The following SNRPN variants were observed in gnomAD, a reference collection of about 807,000 sequenced individuals.
SNRPN encodes the protein small nuclear ribonucleoprotein polypeptide N, also known as small nuclear ribonucleoprotein-associated protein N.
Under a neutral mutation model 25.2 loss-of-function variants are expected in SNRPN, and 7 were observed. The observed-to-expected ratio is 0.28, with a 90% CI of 0.16 to 0.52. SNRPN has a LOEUF of 0.52. SNRPN is among the 20% of genes least tolerant of loss of function. SNRPN has a pLI of 0.96. For missense variants in SNRPN, 196 were observed against 322.5 expected (o/e 0.61, Z 3.00); for synonymous variants, 124 against 110.6 (o/e 1.12, Z -0.76).
chr15:24,887,018 G>C, intron 2 of SNRPN, among the ~76,000 whole-genome samples: 1 of 152,116 alleles, frequency 6.6e-6, no homozygotes, highest in Admixed American at 6.5e-5. Flanking sequence ...AAGTATCATT[G>C]TCATCTCAAA....
chr15:24,954,929 G>A (rs1314993176), upstream of SNRPN: 8 of 1,442,316 alleles, frequency 5.5e-6, no homozygotes, highest in Non-Finnish European at 3.8e-6. Context: ...AGGCAGGCTG[G>A]CGCGCATGCT....
intron 1 of SNRPN, among the ~76,000 whole-genome samples, chr15:24,876,442 C>T (rs1264401045): frequency 6.6e-6 from 1 of 152,094 alleles, no homozygotes; most frequent in East Asian, 1.9e-4. Context: ...CATGGTGAAA[C>T]GTCTTCTCTG....
At chr15:24,881,920 C>T (rs956182) in intron 1 of SNRPN, among the ~76,000 whole-genome samples, 20,184 of 152,038 alleles carry the variant, frequency 0.13, 1,606 homozygotes, top group East Asian at 0.25. Context: ...GGCAAAAGAG[C>T]GCTAGAGGCG....
chr15:24,928,109 G>T (rs78793837), intron 3 of SNRPN, among the ~76,000 whole-genome samples: 1 of 152,238 alleles, frequency 6.6e-6, no homozygotes, highest in Non-Finnish European at 1.5e-5. Flanking sequence ...AGATGACAGG[G>T]AACTCTCCTA....
At chr15:24,884,578 T>C (rs2057021231) in intron 1 of SNRPN, among the ~76,000 whole-genome samples, 1 of 152,138 alleles carries the variant, frequency 6.6e-6, no homozygotes, top group African/African-American at 2.4e-5. Context: ...AGCATGATCT[T>C]CTGAAGCCTC....
At chr15:24,932,951 G>C (rs957020683) in intron 3 of SNRPN, among the ~76,000 whole-genome samples, 7 of 152,012 alleles carry the variant, frequency 4.6e-5, no homozygotes, top group African/African-American at 1.7e-4. Flanking sequence ...GCCTGGCCAA[G>C]TCTGTAATCT....
At chr15:24,884,609 C>G (rs1422515810) in intron 1 of SNRPN, among the ~76,000 whole-genome samples, 22 of 142,242 alleles carry the variant, frequency 1.5e-4, no homozygotes, top group Admixed American at 1.4e-3. Context: ...GTGTGGATAG[C>G]TTTCTTTTGG....
intron 1 of SNRPN, among the ~76,000 whole-genome samples, chr15:24,961,911 A>G (rs147255039): frequency 6.6e-6 from 1 of 152,274 alleles, no homozygotes; most frequent in African/African-American, 2.4e-5. Context: ...TTCTGATGTC[A>G]TGGGCTTCTA....
intron 1 of SNRPN, among the ~76,000 whole-genome samples, chr15:24,961,205 T>C (rs1240218403): frequency 6.6e-6 from 1 of 152,200 alleles, no homozygotes; most frequent in East Asian, 1.9e-4. Context: ...AAATCAAATA[T>C]GTGTGTATGG....
intron 2 of SNRPN, chr15:24,886,724 A>G (rs1051675593): frequency 1.1e-4 from 16 of 152,172 alleles, no homozygotes; most frequent in African/African-American, 3.6e-4. Flanking sequence ...CATAGCACAC[A>G]TTAGCTGTGA....
chr15:24,957,085 CT>C (rs535210778), intron 1 of SNRPN, among the ~76,000 whole-genome samples: 14 of 152,004 alleles, frequency 9.2e-5, no homozygotes, highest in Non-Finnish European at 1.5e-4. Context: ...TTGTTAACCC[CT>C]TTTTTTTAAC....
chr15:24,961,979 G>A, intron 1 of SNRPN, 135 bp from the exon 2 acceptor site: 2 of 829,960 alleles, frequency 2.4e-6, no homozygotes, highest in Non-Finnish European at 4.0e-6. Context: ...TAAAGATCTT[G>A]TAATAATTTT....
rs1169193037 is a variant in SNRPN, at chr15:24,824,416, A to T, written c.-687+566A>T. Among the ~76,000 whole-genome samples, 7 of 151,966 alleles carry T rather than the reference A, an allele frequency of 4.6e-5. No homozygotes were observed. In the East Asian group the frequency reaches 1.3e-3, roughly 29 times the overall value. Reference sequence around the variant, plus strand: ...TTGGCTTGCATATTTGAGTATTTTCACTTTGGTTTTGTAAATGGCTGCTTG... The same window carrying T: ...TTGGCTTGCATATTTGAGTATTTTCTCTTTGGTTTTGTAAATGGCTGCTTG... On this transcript the variant is annotated intron_variant, in intron 1 of 12. Coordinates refer to the SNRPN transcript ENST00000400100.
intron 2 of SNRPN, among the ~76,000 whole-genome samples, chr15:24,894,133 G>GC (rs1317607968): frequency 1.3e-5 from 2 of 152,066 alleles, no homozygotes; most frequent in Non-Finnish European, 2.9e-5. Context: ...TATTCCCACA[G>GC]CCCCCCAACC....
intron 2 of SNRPN, among the ~76,000 whole-genome samples, chr15:24,964,094 A>AT (rs141844738): frequency 0.14 from 20,385 of 150,058 alleles, 2,452 homozygotes; most frequent in African/African-American, 0.33. Context: ...GAGGGTAAAG[A>AT]TTTTTTTTTT....
upstream of SNRPN, among the ~76,000 whole-genome samples, chr15:24,951,813 C>G (rs220027): frequency 0.51 from 77,410 of 152,022 alleles, 21,705 homozygotes; most frequent in African/African-American, 0.75. Flanking sequence ...CAGCCAAGTA[C>G]TAACACTTCT....
At chr15:24,920,326 TAC>T (rs939566349) in intron 3 of SNRPN, 1 of 152,218 alleles carries the variant, frequency 6.6e-6, no homozygotes, top group Non-Finnish European at 1.5e-5. Context: ...ATTTTTTGGA[TAC>T]AGTGTTTGCT....
chr15:24,888,577 T>A (rs1300159113), intron 2 of SNRPN, among the ~76,000 whole-genome samples: 1 of 152,234 alleles, frequency 6.6e-6, no homozygotes, highest in Non-Finnish European at 1.5e-5. Context: ...TTGTCACATC[T>A]TAACAAAATA....
rs1043099236 is a variant in SNRPN, at chr15:24,978,335, G to A, written c.685+17G>A. The A allele has an allele frequency of 8.7e-6, 14 of 1,613,928 alleles. No homozygotes were observed. The highest frequency in any genetic ancestry group is 3.3e-5 in the Admixed American group (2 of 59,996). On this transcript the variant is annotated intron_variant, in intron 9 of 9. Transcript: ENST00000390687. ...GCATTAGAGGTGAGTGGGAGCATAG[G>A]GGTTTGATGGTTCAGCCAGGCCCCT...
Sources: allele counts gnomAD v4.1 joint callset (sites outside exome capture counted in the v4.1 genomes callset), GRCh38; gene constraint gnomAD v4.1.1; transcripts MANE v1.5; gene names NCBI Gene and HGNC (gene_info 2026-07-23, HGNC 2026-07-21).